VRK3: variants seen among roughly 807,000 people sequenced by gnomAD.
The protein encoded by VRK3 is serine/threonine-protein kinase VRK3.
A neutral mutation model predicts 60.4 loss-of-function variants in VRK3; 50 were observed. The observed-to-expected ratio is 0.83, with a 90% CI of 0.66 to 1.05. VRK3 has a LOEUF of 1.05. VRK3 is among the 50% of genes least tolerant of loss of function. The pLI is 0.00. For missense variants in VRK3, 549 were observed against 585.3 expected (o/e 0.94, Z 0.64); for synonymous variants, 246 against 227.8 (o/e 1.08, Z -0.72).
intron 12 of VRK3, among the ~76,000 whole-genome samples, chr19:49,983,808 A>G (rs2076465142): frequency 1.3e-5 from 2 of 152,216 alleles, no homozygotes. Flanking sequence ...GCATGTAGCA[A>G]CATCGCCCCC....
intron 14 of VRK3, among the ~76,000 whole-genome samples, chr19:49,977,960 G>A (rs540661320): frequency 2.6e-5 from 4 of 152,310 alleles, no homozygotes; most frequent in African/African-American, 9.6e-5. Flanking sequence ...AGCCTCAGAT[G>A]TAAGGAAACG....
chr19:49,982,510 A>G (rs1187354965), intron 12 of VRK3, among the ~76,000 whole-genome samples: 2 of 152,230 alleles, frequency 1.3e-5, no homozygotes, highest in East Asian at 1.9e-4. Context: ...ATCATTAACT[A>G]AACAGTGAAA....
At position 50,016,056 on chromosome 19, in the gene VRK3, G is replaced by A. The variant is rs1281732175; in HGVS notation, c.107C>T (p.Thr36Ile). Residue 36 changes from threonine to isoleucine, a missense_variant, in exon 3 of 15, where the codon ACC becomes ATC. By Grantham distance (89) the Thr-to-Ile change is moderately conservative. Transcript: ENST00000316763. ...GGATGACACATGTGGATTGACAAAG[G>A]TCTGGGACCCTACATGCTCCTCTAC... ...LPVEEHVGSQ[T>I]FVNPHVSSFQ... The A allele has an allele frequency of 6.2e-7, 1 of 1,614,214 alleles. No individual in the cohort carries two copies.
At chr19:49,978,167 TC>T (rs1399300097) in intron 14 of VRK3, among the ~76,000 whole-genome samples, 6 of 152,108 alleles carry the variant, frequency 3.9e-5, no homozygotes. Flanking sequence ...TCACAGGATG[TC>T]AGGCAGCATC....
intron 5 of VRK3, among the ~76,000 whole-genome samples, chr19:50,005,827 G>A (rs555007159): frequency 1.3e-5 from 2 of 149,918 alleles, no homozygotes; most frequent in East Asian, 1.9e-4. Flanking sequence ...GCAAATCCAC[G>A]GAGGGAGAAA....
chr19:49,980,005 A>G (rs283507), intron 13 of VRK3, among the ~76,000 whole-genome samples: 76,995 of 151,870 alleles, frequency 0.51, 21,410 homozygotes, highest in East Asian at 0.79. Flanking sequence ...AGCCAAGATC[A>G]CGCCACCGCA....
At chr19:50,022,152 CA>C (rs2077181289) in intron 1 of VRK3, among the ~76,000 whole-genome samples, 1 of 152,196 alleles carries the variant, frequency 6.6e-6, no homozygotes, top group Non-Finnish European at 1.5e-5. Flanking sequence ...ATCCAGAACC[CA>C]AAAGCCCATG....
intron 12 of VRK3, among the ~76,000 whole-genome samples, chr19:49,984,336 A>C (rs2076476578): frequency 6.6e-6 from 1 of 152,208 alleles, no homozygotes; most frequent in African/African-American, 2.4e-5. Flanking sequence ...TCTGCCTAGG[A>C]ATCTTGCCTC....
At chr19:50,022,266 T>C (rs1402752844) in intron 1 of VRK3, among the ~76,000 whole-genome samples, 2 of 152,172 alleles carry the variant, frequency 1.3e-5, no homozygotes, top group Non-Finnish European at 1.5e-5. Context: ...TGGAAGCTGA[T>C]GTTGGGTGTG....
chr19:50,018,795 C>CA (rs57270300), intron 2 of VRK3, among the ~76,000 whole-genome samples: 7,969 of 152,192 alleles, frequency 0.052, 687 homozygotes, highest in African/African-American at 0.18. Flanking sequence ...TGGGTGTTGA[C>CA]ACTGGTGTCA....
chr19:50,007,730 C>A lies in VRK3; in HGVS notation c.386G>T (p.Ser129Ile). Residue 129 changes from serine (S) to isoleucine (I), a missense_variant, in exon 5 of 15, where the codon AGC becomes ATC. By Grantham distance (142) the Ser-to-Ile change is moderately radical. Transcript: ENST00000316763. ...AGGGCTCTGCCTGGTCTTCTGAGGGCTACAGCTGGTCTTCTGAGGGCTACC... is the reference window on the plus strand; with the variant it reads ...AGGGCTCTGCCTGGTCTTCTGAGGGATACAGCTGGTCTTCTGAGGGCTACC... ...TRGSPQKTSC[S>I]PQKTRQSPQT... The A allele has an allele frequency of 1.3e-6, 2 of 1,583,210 alleles. No individual in the cohort carries two copies. Among genetic ancestry groups the A allele is most frequent in the Non-Finnish European group, 1.7e-6 (2 of 1,177,932 alleles).
chr19:50,007,084 G>A (rs1233185420), intron 5 of VRK3, among the ~76,000 whole-genome samples: 1 of 152,114 alleles, frequency 6.6e-6, no homozygotes, highest in Non-Finnish European at 1.5e-5. Context: ...ATCTGTGTGG[G>A]AGGCCTGCCT....
intron 12 of VRK3, chr19:49,981,812 A>G (rs1024964554): frequency 1.8e-6 from 2 of 1,138,106 alleles, no homozygotes; most frequent in South Asian, 4.8e-5. Flanking sequence ...ACACACACAC[A>G]CGCACACTGG....
intron 5 of VRK3, chr19:50,001,347 C>A: frequency 6.4e-6 from 1 of 157,228 alleles, no homozygotes; most frequent in Admixed American, 6.1e-5. Flanking sequence ...CAGCCTGTGG[C>A]TGGGCAATTA....
chr19:50,019,179 A>G (rs1460891963), intron 2 of VRK3: 2 of 135,890 alleles, frequency 1.5e-5, no homozygotes, highest in Non-Finnish European at 3.0e-5. Flanking sequence ...AAAAAAAAAA[A>G]AAAAAAAAGA....
At chr19:50,000,983 C>G in intron 5 of VRK3, 129 bp from the exon 6 acceptor site, 7 of 740,176 alleles carry the variant, frequency 9.5e-6, no homozygotes, top group Non-Finnish European at 1.5e-5. Context: ...GCACTCTTGG[C>G]TCTCACGACT....
chr19:49,976,479 AATTT>A lies in VRK3; in HGVS notation c.*313_*316del, dbSNP rs1488537310. On this transcript the variant is annotated 3_prime_UTR_variant, in exon 15 of 15. Transcript: ENST00000316763. ...CTGACTCCTCAAGCTCTGGTAAAAC[AATTT>A]ATTACCAAAGCACAGAGGTGTCAAG... 2 of 152,566 alleles carry A rather than the reference AATTT, an allele frequency of 1.3e-5. No individual in the cohort carries two copies. The highest frequency in any genetic ancestry group is 2.9e-5 in the Non-Finnish European group (2 of 68,046). 9.5% of individuals were successfully genotyped at this position (152,566 alleles called of 1,614,324 possible).
At chr19:49,984,036 A>G (rs554425295) in intron 12 of VRK3, among the ~76,000 whole-genome samples, 1 of 152,182 alleles carries the variant, frequency 6.6e-6, no homozygotes, top group South Asian at 2.1e-4. Flanking sequence ...GTCTTAACTC[A>G]CCCTGCACCA....
chr19:49,978,181 G>A (rs1016269536), intron 14 of VRK3, among the ~76,000 whole-genome samples: 5 of 152,130 alleles, frequency 3.3e-5, no homozygotes, highest in South Asian at 2.1e-4. Flanking sequence ...GCAGCATCCC[G>A]GCCTCCACTG....
Sources: allele counts gnomAD v4.1 joint callset (sites outside exome capture counted in the v4.1 genomes callset), GRCh38; gene constraint gnomAD v4.1.1; transcripts MANE v1.5; gene names NCBI Gene and HGNC (gene_info 2026-07-23, HGNC 2026-07-21).